TENM2: variants seen among roughly 807,000 people sequenced by gnomAD.
TENM2 encodes the protein teneurin transmembrane protein 2.
Under a neutral mutation model 245.2 loss-of-function variants are expected in TENM2, and 52 were observed. The ratio of observed to expected loss-of-function variants is 0.21; its 90% CI spans 0.17 to 0.27. The LOEUF is 0.27. TENM2 is among the 10% of genes least tolerant of loss of function. The probability of loss-of-function intolerance (pLI) is 1.00; values close to 1 mark genes in which losing one functional copy is unlikely to be tolerated. For missense variants in TENM2, 3,046 were observed against 3,666.8 expected, an observed-to-expected ratio of 0.83 and a Z score of 4.37; for synonymous variants, 1,363 against 1,438.9, an observed-to-expected ratio of 0.95 and a Z score of 1.19.
chr5:167,351,749 T>C (rs1758928557), intron 1 of TENM2, among the ~76,000 whole-genome samples: 1 of 152,128 alleles, frequency 6.6e-6, no homozygotes, highest in Non-Finnish European at 1.5e-5. Context: ...TTTTCAAAAG[T>C]TTGCTGGCCC....
At chr5:167,322,878 G>A (rs1756853723) in intron 1 of TENM2, among the ~76,000 whole-genome samples, 1 of 152,244 alleles carries the variant, frequency 6.6e-6, no homozygotes, top group South Asian at 2.1e-4. Flanking sequence ...ATTTGGGCCA[G>A]AAGGCCATGG....
chr5:167,211,385 A>T, the TENM2 span, among the ~76,000 whole-genome samples: 1 of 152,260 alleles, frequency 6.6e-6, no homozygotes, highest in Non-Finnish European at 1.5e-5. Flanking sequence ...CTACTTGATA[A>T]AATTAGATGA....
intron 3 of TENM2, among the ~76,000 whole-genome samples, chr5:167,940,848 T>G (rs919550610): frequency 6.6e-6 from 1 of 152,328 alleles, no homozygotes; most frequent in East Asian, 1.9e-4. Flanking sequence ...AATGGCTCTC[T>G]CTCTCTATTT....
chr5:168,098,170 T>C (rs923242595), intron 9 of TENM2, 43 bp downstream of exon 11: 1 of 1,398,144 alleles, frequency 7.2e-7, no homozygotes, highest in Non-Finnish European at 1.0e-6. Context: ...AAACAGACCC[T>C]CCCTAGGCTT....
the TENM2 span, among the ~76,000 whole-genome samples, chr5:167,207,637 A>G: frequency 6.6e-6 from 1 of 152,170 alleles, no homozygotes; most frequent in African/African-American, 2.4e-5. Context: ...ACTCTCCTCC[A>G]ATATCAGCCA....
chr5:167,971,874 G>T (rs893912320), intron 4 of TENM2, among the ~76,000 whole-genome samples: 2 of 152,230 alleles, frequency 1.3e-5, no homozygotes, highest in Non-Finnish European at 2.9e-5. Flanking sequence ...CAGACAAGGA[G>T]AGTGAAGCTC....
the TENM2 span, among the ~76,000 whole-genome samples, chr5:167,160,264 C>T: frequency 6.6e-6 from 1 of 152,222 alleles, no homozygotes; most frequent in East Asian, 1.9e-4. Flanking sequence ...AGCCAGCATC[C>T]TTTGCACTTA....
the TENM2 span, among the ~76,000 whole-genome samples, chr5:167,117,172 G>A: frequency 2.0e-5 from 3 of 152,222 alleles, no homozygotes; most frequent in Admixed American, 1.3e-4. Flanking sequence ...CACTGAATCA[G>A]TTAAATTTTT....
At chr5:167,115,786 G>A in the TENM2 span, among the ~76,000 whole-genome samples, 1 of 152,164 alleles carries the variant, frequency 6.6e-6, no homozygotes, top group Non-Finnish European at 1.5e-5. Flanking sequence ...ATTTAAATAG[G>A]CTTTAGTAGA....
chr5:168,012,304 G>A (rs1785279553), intron 5 of TENM2, among the ~76,000 whole-genome samples: 1 of 152,138 alleles, frequency 6.6e-6, no homozygotes, highest in Non-Finnish European at 1.5e-5. Context: ...GGGAAGATGG[G>A]AAACAGGTTG....
At position 167,628,523 on chromosome 5, in the gene TENM2, T is replaced by A. The variant is rs577992833; in HGVS notation, c.503-247463T>A. Among the ~76,000 whole-genome samples, 227 of 152,298 alleles carry A rather than the reference T, an allele frequency of 1.5e-3. 2 individuals carry two copies. The highest frequency in any genetic ancestry group is 5.2e-3 in the African/African-American group (218 of 41,568). On this transcript the variant is annotated intron_variant, in intron 2 of 28. Coordinates refer to ENST00000518659, the Ensembl canonical transcript of TENM2. ...GTGATAGTGTTCTACCTCCTAAAACTATATTACAGGCCCCTGTCAGTACCT... is the reference window on the plus strand; with the variant it reads ...GTGATAGTGTTCTACCTCCTAAAACAATATTACAGGCCCCTGTCAGTACCT...
intron 2 of TENM2, among the ~76,000 whole-genome samples, chr5:167,758,039 G>A (rs1762423277): frequency 6.6e-6 from 1 of 152,154 alleles, no homozygotes; most frequent in Non-Finnish European, 1.5e-5. Context: ...AGTGCAAAGT[G>A]ATGTAGAATC....
chr5:167,859,499 A>G (rs1373223125), intron 2 of TENM2, among the ~76,000 whole-genome samples: 2 of 101,572 alleles, frequency 2.0e-5, no homozygotes, highest in Non-Finnish European at 4.0e-5. Flanking sequence ...CCCGTCCGGG[A>G]GGGAGATGGG....
At chr5:167,997,258 C>G (rs1183909754) in intron 5 of TENM2, among the ~76,000 whole-genome samples, 2 of 152,178 alleles carry the variant, frequency 1.3e-5, no homozygotes, top group Non-Finnish European at 2.9e-5. Context: ...CTCTTCACTT[C>G]TTTCTCCTCA....
At position 167,476,588 on chromosome 5, in the gene TENM2, GTTTTTGTT is replaced by G. The variant is rs975451600; in HGVS notation, c.502+101134_502+101141del. On this transcript the variant is annotated intron_variant, in intron 2 of 28. Transcript: ENST00000518659. ...CTGGCAACAAATACTGATATAGCTG[GTTTTTGTT>G]TTTTTGTTTTTTTGTTTTGAGGTGG... Among the ~76,000 whole-genome samples, 24 of 152,060 alleles carry G rather than the reference GTTTTTGTT, an allele frequency of 1.6e-4. No individual in the cohort carries two copies. The South Asian group carries it at 2.3e-3, about 14-fold the overall frequency.
chr5:168,180,137 G>A (rs1019672209), intron 13 of TENM2, among the ~76,000 whole-genome samples: 1 of 152,180 alleles, frequency 6.6e-6, no homozygotes, highest in Non-Finnish European at 1.5e-5. Context: ...TGTGACTATT[G>A]AGTAGATGGA....
At chr5:167,688,251 G>A (rs1325065836) in intron 2 of TENM2, among the ~76,000 whole-genome samples, 5 of 152,126 alleles carry the variant, frequency 3.3e-5, no homozygotes, top group Non-Finnish European at 5.9e-5. Context: ...CAATGGCGTG[G>A]CGTTTTACTA....
chr5:167,629,086 C>T (rs1423733383), intron 2 of TENM2, among the ~76,000 whole-genome samples: 1 of 152,166 alleles, frequency 6.6e-6, no homozygotes, highest in East Asian at 1.9e-4. Flanking sequence ...GTTATCATCA[C>T]CATTTTCCAC....
intron 2 of TENM2, among the ~76,000 whole-genome samples, chr5:167,564,622 C>T (rs953636238): frequency 8.5e-5 from 13 of 152,114 alleles, no homozygotes; most frequent in African/African-American, 3.1e-4. Flanking sequence ...GATTGTTGCT[C>T]ACATTCTGGT....
Sources: gnomAD v4.1 joint callset for allele counts (sites outside exome capture counted in the v4.1 genomes callset) on GRCh38, gnomAD v4.1.1 for gene constraint, MANE v1.5 for transcripts, NCBI Gene and HGNC (gene_info 2026-07-23, HGNC 2026-07-21) for gene names.